ANO4: variants seen among roughly 807,000 people sequenced by gnomAD.
ANO4 encodes the protein anoctamin-4.
Under a neutral mutation model 141.9 loss-of-function variants are expected in ANO4, and 69 were observed. That is an observed-to-expected ratio of 0.49 (90% CI 0.40 to 0.59). The LOEUF is 0.59. Ranked by LOEUF, ANO4 falls within the 20% of genes least tolerant of loss-of-function variation. ANO4 has a pLI of 0.00. For missense variants in ANO4, 894 were observed against 1,162.2 expected (o/e 0.77, Z 3.36); for synonymous variants, 350 against 394.3 (o/e 0.89, Z 1.33).
rs144853606 is a variant in ANO4 at position 100,837,836 on chromosome 12, A to AT, written c.-141+42814dup. On this transcript the variant is annotated intron_variant, in intron 1 of 27. Coordinates refer to ENST00000392977, the MANE Select transcript of ANO4 (RefSeq NM_001286615.2). ...CATAAAGGTAGAGCTTCAACAGATT[A>AT]TTTTTCTTTAGATTTTCAAGTCAGC... Among the ~76,000 whole-genome samples, 1,091 of 151,914 alleles carry AT rather than the reference A, an allele frequency of 7.2e-3. 19 individuals are homozygous for AT. The highest frequency in any genetic ancestry group is 0.025 in the African/African-American group (1,046 of 41,418).
chr12:100,922,560 G>A (rs1345254722), intron 3 of ANO4, among the ~76,000 whole-genome samples: 4 of 152,074 alleles, frequency 2.6e-5, no homozygotes, highest in South Asian at 2.1e-4. Flanking sequence ...AAGCTATAAC[G>A]GAATGATCAA....
intron 21 of ANO4, among the ~76,000 whole-genome samples, chr12:101,099,365 C>G (rs763872907): frequency 2.0e-5 from 3 of 152,188 alleles, no homozygotes; most frequent in Admixed American, 1.3e-4. Context: ...ATGATTAAAA[C>G]AAGTTCATCA....
At chr12:100,958,919 G>A (rs1032975574) in intron 5 of ANO4, among the ~76,000 whole-genome samples, 1 of 152,092 alleles carries the variant, frequency 6.6e-6, no homozygotes, top group Non-Finnish European at 1.5e-5. Context: ...GCAGAGTGTG[G>A]GTATGAGAGC....
intron 1 of ANO4, among the ~76,000 whole-genome samples, chr12:100,837,479 C>T (rs1022305345): frequency 3.3e-5 from 5 of 152,040 alleles, no homozygotes; most frequent in Admixed American, 2.0e-4. Flanking sequence ...GATGTCTTAT[C>T]AAAATTGCTC....
At chr12:100,936,333 A>T (rs76552110) in intron 3 of ANO4, among the ~76,000 whole-genome samples, 5,882 of 152,236 alleles carry the variant, frequency 0.039, 158 homozygotes, top group Non-Finnish European at 0.056. Context: ...TGTAGGATGT[A>T]TAGCGGCATC....
At chr12:100,915,164 A>G (rs1339983330) in intron 2 of ANO4, among the ~76,000 whole-genome samples, 1 of 152,108 alleles carries the variant, frequency 6.6e-6, no homozygotes, top group African/African-American at 2.4e-5. Flanking sequence ...GTACTGTCTT[A>G]GGAACACAGA....
intron 5 of ANO4, among the ~76,000 whole-genome samples, chr12:100,965,137 C>T (rs2043596094): frequency 6.6e-6 from 1 of 152,192 alleles, no homozygotes; most frequent in South Asian, 2.1e-4. Context: ...TTTACAGGTG[C>T]ATTGTCACCT....
exon 3 of ANO4, chr12:100,739,990 C>T: frequency 1.4e-6 from 1 of 702,596 alleles, no homozygotes; most frequent in Non-Finnish European, 2.6e-6. Flanking sequence ...ACCACCGATC[C>T]TTCACCCGCA....
chr12:101,103,229 A>ATATATATATC (rs2050280639), intron 22 of ANO4, among the ~76,000 whole-genome samples: 1 of 104,726 alleles, frequency 9.5e-6, no homozygotes, highest in Non-Finnish European at 1.9e-5. Context: ...ATATATATAT[A>ATATATATATC]TCTTTTTGTT....
chr12:100,721,248 A>G (rs1377880073), intron 1 of ANO4, among the ~76,000 whole-genome samples: 1 of 152,208 alleles, frequency 6.6e-6, no homozygotes, highest in Non-Finnish European at 1.5e-5. Flanking sequence ...ACTATGTTCC[A>G]GGCTCTAGCC....
intron 14 of ANO4, chr12:101,069,381 C>T: frequency 1.8e-6 from 1 of 564,278 alleles, no homozygotes; most frequent in Non-Finnish European, 3.2e-6. Context: ...CAAATCTTAA[C>T]ATTTAACCAT....
chr12:100,931,197 A>T (rs933867862), intron 3 of ANO4, among the ~76,000 whole-genome samples: 9 of 152,154 alleles, frequency 5.9e-5, no homozygotes, highest in Non-Finnish European at 1.2e-4. Flanking sequence ...AATAGTGTTT[A>T]GTTCTTAAAA....
rs572523250 is a variant in ANO4, at chr12:100,862,614, G to A, written c.-140-39032G>A. ...TGGGATTACAGGCGTGAGCCACTGT[G>A]CCTGGCCTTTATTATCATTATTAAG... On this transcript the variant is annotated intron_variant, in intron 1 of 27. Coordinates refer to ENST00000392977, the MANE Select transcript of ANO4 (RefSeq NM_001286615.2). 9.2e-5 allele frequency among the ~76,000 whole-genome samples: 14 copies of A among 152,272 alleles called. No homozygotes were observed. The East Asian group carries it at 2.7e-3, about 29-fold the overall frequency.
In ANO4 at chr12:100,813,855, T is replaced by G. The variant is rs369699586; in HGVS notation, c.-141+18828T>G. Among the ~76,000 whole-genome samples, 3 of 152,176 alleles carry G rather than the reference T, an allele frequency of 2.0e-5. No individual in the cohort carries two copies. The East Asian group carries it at 5.8e-4, about 29-fold the overall frequency. ...GCTTATGATGAAGTCAACTTAAAAC[T>G]TCACTGAGTTGGGGCAGATCTTCAG... On this transcript the variant is annotated intron_variant, in intron 1 of 27. Transcript: ENST00000392977.
chr12:100,819,712 C>G (rs1347204011), intron 1 of ANO4, among the ~76,000 whole-genome samples: 2 of 151,840 alleles, frequency 1.3e-5, no homozygotes, highest in Non-Finnish European at 2.9e-5. Context: ...AGCATAGATA[C>G]CAATCACATT....
chr12:101,095,904 T>G (rs535275135), intron 18 of ANO4, among the ~76,000 whole-genome samples: 2 of 152,270 alleles, frequency 1.3e-5, no homozygotes, highest in South Asian at 4.2e-4. Context: ...TTGAAATATA[T>G]GGAGATGAGA....
At chr12:100,726,039 G>A (rs955446163) in intron 1 of ANO4, among the ~76,000 whole-genome samples, 5 of 152,140 alleles carry the variant, frequency 3.3e-5, no homozygotes, top group Non-Finnish European at 5.9e-5. Context: ...CATTTACCTC[G>A]TGATGTGAAA....
At chr12:100,926,608 G>A (rs527417846) in intron 3 of ANO4, among the ~76,000 whole-genome samples, 2 of 151,968 alleles carry the variant, frequency 1.3e-5, no homozygotes, top group South Asian at 4.2e-4. Context: ...GTGTTTGTGT[G>A]TGTGTGTGTG....
At chr12:100,763,919 T>A (rs577624143) in intron 3 of ANO4, among the ~76,000 whole-genome samples, 88 of 152,176 alleles carry the variant, frequency 5.8e-4, no homozygotes, top group African/African-American at 1.5e-3. Context: ...TTTTTTTTTT[T>A]AAATTTTTAA....
Sources: allele counts gnomAD v4.1 joint callset (sites outside exome capture counted in the v4.1 genomes callset), GRCh38; gene constraint gnomAD v4.1.1; transcripts MANE v1.5; gene names NCBI Gene and HGNC (gene_info 2026-07-23, HGNC 2026-07-21).